ANXA2: variants seen among roughly 807,000 people sequenced by gnomAD.
ANXA2 encodes annexin A2.
ANXA2 carries 28 observed loss-of-function variants against 47.3 expected under a neutral mutation model. That is an observed-to-expected ratio of 0.59 (90% CI 0.44 to 0.81). The LOEUF is 0.81. Ranked by LOEUF, ANXA2 falls within the 40% of genes least tolerant of loss-of-function variation. The pLI, the probability that ANXA2 is intolerant of heterozygous loss-of-function variation, is 0.00. For synonymous variants in ANXA2, 172 were observed against 155.5 expected (o/e 1.11, Z -0.79); for missense variants, 384 against 414.3 (o/e 0.93, Z 0.64).
At chr15:60,386,385 C>T (rs780791579) in intron 1 of ANXA2, 2 of 303,554 alleles carry the variant, frequency 6.6e-6, no homozygotes, top group Non-Finnish European at 1.2e-5. Flanking sequence ...GCTAATGCAA[C>T]CTGTTCAGAC....
intron 6 of ANXA2, among the ~76,000 whole-genome samples, chr15:60,356,445 T>C (rs1212011450): frequency 1.3e-5 from 2 of 152,162 alleles, no homozygotes; most frequent in African/African-American, 2.4e-5. Context: ...AATGAAAGTA[T>C]ATTTCAATAT....
chr15:60,367,173 G>C, intron 3 of ANXA2, among the ~76,000 whole-genome samples: 1 of 85,508 alleles, frequency 1.2e-5, no homozygotes, highest in Non-Finnish European at 2.4e-5. Context: ...GGGGAGGGGG[G>C]GTCAGCCCCC....
chr15:60,378,407 A>G (rs765595726), intron 3 of ANXA2, among the ~76,000 whole-genome samples: 3 of 152,218 alleles, frequency 2.0e-5, no homozygotes, highest in African/African-American at 4.8e-5. Context: ...GTTACACATT[A>G]TCTATGTAAT....
At position 60,388,026 on chromosome 15, in the gene ANXA2, A is replaced by G. The variant is rs556406357; in HGVS notation, c.-11-1940T>C. Among the ~76,000 whole-genome samples the G allele has an allele frequency of 1.2e-4, 19 of 152,106 alleles. No homozygotes were observed. In the South Asian group the frequency reaches 4.0e-3, roughly 32 times the overall value. On this transcript the variant is annotated intron_variant, in intron 1 of 12. Transcript: ENST00000451270. ...AACATGGTGAAACCCCATCTCTACT[A>G]AAAATACAAAAATTAGCTGGGCGTG...
chr15:60,356,079 G>T (rs1218806188), intron 6 of ANXA2, 81 bp from the exon 7 acceptor site: 2 of 1,084,536 alleles, frequency 1.8e-6, no homozygotes, highest in African/African-American at 1.5e-5. Flanking sequence ...TTCCCACTAA[G>T]ACTCTGAGAA....
chr15:60,351,456 G>T (rs1896009985), intron 10 of ANXA2: 2 of 631,402 alleles, frequency 3.2e-6, no homozygotes, highest in Admixed American at 2.9e-5. Context: ...GGTCTCTGAG[G>T]CCTGCAGAAC....
intron 1 of ANXA2, chr15:60,393,204 T>C: frequency 8.7e-7 from 1 of 1,154,384 alleles, no homozygotes; most frequent in South Asian, 1.8e-5. Context: ...TTCTGTGGCC[T>C]GATCTGAATC....
intron 3 of ANXA2, among the ~76,000 whole-genome samples, chr15:60,381,125 C>T (rs931720593): frequency 6.6e-6 from 1 of 152,090 alleles, no homozygotes; most frequent in Admixed American, 6.5e-5. Flanking sequence ...TTAGTAAATA[C>T]GCAGGCATAA....
intron 1 of ANXA2, among the ~76,000 whole-genome samples, chr15:60,388,939 C>T (rs1377790): frequency 0.79 from 118,890 of 151,172 alleles, 47,468 homozygotes; most frequent in East Asian, 1. Context: ...TGTCGCGTTA[C>T]CTTGCCCAGG....
chr15:60,373,898 T>G (rs2062742769), intron 3 of ANXA2, among the ~76,000 whole-genome samples: 1 of 152,158 alleles, frequency 6.6e-6, no homozygotes, highest in African/African-American at 2.4e-5. Context: ...ATAGAGAACA[T>G]TTTTGCCATT....
intron 7 of ANXA2, chr15:60,355,556 A>C (rs1209334619): frequency 5.6e-6 from 2 of 356,514 alleles, no homozygotes; most frequent in Non-Finnish European, 1.1e-5. Context: ...AAGTAAACGC[A>C]GTGAAAAAGA....
rs766453378 is a variant in ANXA2 at position 60,361,063 on chromosome 15, T to C, written c.244-9A>G. 1.7e-5 allele frequency: 27 copies of C among 1,546,430 alleles called. No homozygotes were observed. Among genetic ancestry groups the C allele is most frequent in the East Asian group, 2.2e-5 (1 of 44,624 alleles). On this transcript the variant is annotated splice_polypyrimidine_tract_variant and intron_variant, in intron 4 of 12. Coordinates refer to ENST00000451270, the MANE Select transcript of ANXA2 (RefSeq NM_004039.3). Reference sequence around the variant, plus strand: ...AGTGCTGATGCAAGTTCCTTCAAGATAACAGGCAATCATAAGGAAAATATT... The same window carrying C: ...AGTGCTGATGCAAGTTCCTTCAAGACAACAGGCAATCATAAGGAAAATATT...
At chr15:60,375,953 G>T (rs1031897252) in intron 3 of ANXA2, among the ~76,000 whole-genome samples, 1 of 152,130 alleles carries the variant, frequency 6.6e-6, no homozygotes, top group African/African-American at 2.4e-5. Context: ...GTTTGAGGTG[G>T]GGAGGAAGGA....
chr15:60,381,303 G>C (rs908540952), intron 3 of ANXA2, among the ~76,000 whole-genome samples: 2 of 152,184 alleles, frequency 1.3e-5, no homozygotes, highest in African/African-American at 4.8e-5. Context: ...ACCAGCAGCA[G>C]CTCTAATTGT....
chr15:60,360,788 C>G (rs2062501041), intron 5 of ANXA2, 153 bp downstream of exon 5: 2 of 612,312 alleles, frequency 3.3e-6, no homozygotes, highest in African/African-American at 1.9e-5. Flanking sequence ...ATTTTTGGTA[C>G]AAATCCTGAG....
At chr15:60,376,950 A>C (rs2062787379) in intron 3 of ANXA2, among the ~76,000 whole-genome samples, 1 of 152,214 alleles carries the variant, frequency 6.6e-6, no homozygotes, top group Non-Finnish European at 1.5e-5. Context: ...GTCCCGGCAC[A>C]CTCACACACA....
chr15:60,373,390 G>A (rs1436382438), intron 3 of ANXA2, among the ~76,000 whole-genome samples: 1 of 152,180 alleles, frequency 6.6e-6, no homozygotes, highest in Non-Finnish European at 1.5e-5. Context: ...AGCCTGTTAG[G>A]CCAGCCAGTC....
intron 2 of ANXA2, chr15:60,384,014 A>G (rs1265844081): frequency 6.6e-6 from 1 of 152,228 alleles, no homozygotes; most frequent in African/African-American, 2.4e-5. Context: ...TATTAAATCC[A>G]GTTCATATTT....
intron 3 of ANXA2, among the ~76,000 whole-genome samples, chr15:60,376,827 G>A (rs779140573): frequency 3.3e-5 from 5 of 152,226 alleles, no homozygotes; most frequent in Non-Finnish European, 7.3e-5. Context: ...CACCATCCGT[G>A]TACTCGACAG....
Sources: gnomAD v4.1 joint callset for allele counts (sites outside exome capture counted in the v4.1 genomes callset) on GRCh38, gnomAD v4.1.1 for gene constraint, MANE v1.5 for transcripts, NCBI Gene and HGNC (gene_info 2026-07-23, HGNC 2026-07-21) for gene names.